LRRC23: variants seen among roughly 807,000 people sequenced by gnomAD.
LRRC23 encodes leucine rich repeat containing 23, also known as leucine-rich repeat-containing protein 23.
Under a neutral mutation model 37.7 loss-of-function variants are expected in LRRC23, and 28 were observed. The ratio of observed to expected loss-of-function variants is 0.74; its 90% confidence interval spans 0.55 to 1.02. The LOEUF (loss-of-function observed/expected upper bound fraction) is 1.02. Ranked by LOEUF, LRRC23 falls within the 50% of genes least tolerant of loss-of-function variation. The pLI is 0.00. For synonymous variants in LRRC23, 161 were observed against 165.4 expected, an observed-to-expected ratio of 0.97 and a Z score of 0.20; for missense variants, 377 against 413.2, an observed-to-expected ratio of 0.91 and a Z score of 0.76.
intron 6 of LRRC23, among the ~76,000 whole-genome samples, chr12:6,911,793 G>A (rs1945167656): frequency 6.6e-6 from 1 of 152,182 alleles, no homozygotes; most frequent in Non-Finnish European, 1.5e-5. Context: ...AGGACTGCTT[G>A]AGGCCAGGCG....
intron 5 of LRRC23, among the ~76,000 whole-genome samples, chr12:6,909,564 C>T (rs756557990): frequency 1.4e-5 from 2 of 139,984 alleles, no homozygotes; most frequent in East Asian, 2.0e-4. Context: ...TCTTAAGCTT[C>T]GTTATTCTGG....
intron 1 of LRRC23, 163 bp downstream of exon 1, chr12:6,905,238 G>C (rs1254579183): frequency 5.0e-6 from 1 of 201,358 alleles, no homozygotes; most frequent in Non-Finnish European, 1.0e-5. Context: ...TGAGAGGAGA[G>C]GAGGAGGAAT....
Position 6,907,460 on chromosome 12 carries a change from C to G in LRRC23, c.621+15C>G. 6.2e-7 allele frequency: 1 copy of G among 1,613,910 alleles called. No homozygotes were observed. The highest frequency in any genetic ancestry group is 8.5e-7 in the Non-Finnish European group (1 of 1,179,940). On this transcript the variant is annotated intron_variant, in intron 5 of 7. Coordinates refer to ENST00000443597, the MANE Select transcript of LRRC23 (RefSeq NM_001135217.2). ...ACCTCTACCTGGTAGCTCACTGGGT[C>G]AGAGGGTGGTGCAGGGAAGAGGGCA...
At position 6,905,954 on chromosome 12, in the gene LRRC23, G is replaced by A; in HGVS notation, c.236G>A (p.Arg79Lys). Residue 79 changes from arginine (R) to lysine (K), a missense_variant and splice_region_variant, in exon 3 of 8, where the codon AGG becomes AAG. Arg to Lys is a conservative substitution (Grantham distance 26, BLOSUM62 2). This residue lies in a region of LRRC23 where 106 missense variants were observed against 105.9 expected (regional missense o/e 1.00). Transcript: ENST00000443597. ...HAYVKLEVKE[R>K]DLTDIYLLRS... ...TATGTCAAGCTGGAGGTTAAAGAGAGGTGCGTTTTGGGGGGACCAGATGAG... is the reference window on the plus strand; with the variant it reads ...TATGTCAAGCTGGAGGTTAAAGAGAAGTGCGTTTTGGGGGGACCAGATGAG... 1.2e-6 allele frequency: 2 copies of A among 1,613,442 alleles called. No individual in the cohort carries two copies. The highest frequency in any genetic ancestry group is 1.7e-6 in the Non-Finnish European group (2 of 1,179,632).
intron 2 of LRRC23, 38 bp downstream of exon 2, chr12:6,905,797 G>T (rs781784897): frequency 5.0e-6 from 8 of 1,610,570 alleles, no homozygotes; most frequent in African/African-American, 4.0e-5. Context: ...AGGGCTGAAG[G>T]AGGGGGTTGG....
intron 4 of LRRC23, chr12:6,906,868 T>C (rs1260541324): frequency 6.8e-6 from 4 of 591,362 alleles, no homozygotes; most frequent in Non-Finnish European, 1.2e-5. Context: ...TCATATAGCT[T>C]ATATTCTAAT....
chr12:6,911,210 G>A (rs1555140702), intron 6 of LRRC23, among the ~76,000 whole-genome samples: 1 of 152,144 alleles, frequency 6.6e-6, no homozygotes, highest in Non-Finnish European at 1.5e-5. Context: ...TCGGATGGAG[G>A]ACTTTATGTG....
intron 6 of LRRC23, among the ~76,000 whole-genome samples, chr12:6,910,923 G>C (rs1945143564): frequency 6.6e-6 from 1 of 151,910 alleles, no homozygotes; most frequent in African/African-American, 2.4e-5. Flanking sequence ...CTAAAAGAAA[G>C]AAAGGAATCA....
Position 6,905,747 on chromosome 12 carries a change from G to A in LRRC23, c.114G>A (p.Glu38=), listed in dbSNP as rs1555139382. 1 of 1,613,432 alleles carries A rather than the reference G, an allele frequency of 6.2e-7. No individual in the cohort carries two copies. The highest frequency in any genetic ancestry group is 8.5e-7 in the Non-Finnish European group (1 of 1,179,726). The change falls in exon 2 of 8, where the codon GAG becomes GAA. Residue 38 remains glutamate, a synonymous_variant. Transcript: ENST00000443597. ...AGGACTACAGAAAAGAGGGGGAAGAGTTCCCTGAGGAAGTGAGAGCCTGGA... is the reference window on the plus strand; with the variant it reads ...AGGACTACAGAAAAGAGGGGGAAGAATTCCCTGAGGAAGTGAGAGCCTGGA... The part of the protein sequence containing the change: ...EGEDYRKEGE[E]FPEEWLPTPL...
intron 3 of LRRC23, 81 bp from the exon 4 acceptor site, chr12:6,906,328 C>A: frequency 7.3e-7 from 1 of 1,368,300 alleles, no homozygotes; most frequent in Non-Finnish European, 1.0e-6. Context: ...CTCCATATTG[C>A]CTTCTGCTTT....
intron 6 of LRRC23, among the ~76,000 whole-genome samples, chr12:6,911,279 T>C (rs1819430314): frequency 6.6e-6 from 1 of 152,198 alleles, no homozygotes; most frequent in African/African-American, 2.4e-5. Context: ...CAAGACCAGA[T>C]TCTTGAGCTG....
chr12:6,907,478 A>G, intron 5 of LRRC23, 33 bp downstream of exon 5: 1 of 1,613,302 alleles, frequency 6.2e-7, no homozygotes, highest in Non-Finnish European at 8.5e-7. Flanking sequence ...GGTGCAGGGA[A>G]GAGGGCACTG....
intron 4 of LRRC23, among the ~76,000 whole-genome samples, chr12:6,906,942 A>G (rs1944964020): frequency 6.6e-6 from 1 of 152,192 alleles, no homozygotes; most frequent in South Asian, 2.1e-4. Flanking sequence ...TTAAAAGGAG[A>G]CAAGTGCCTT....
chr12:6,910,931 T>TTAGC (rs1945144165), intron 6 of LRRC23, among the ~76,000 whole-genome samples: 1 of 151,744 alleles, frequency 6.6e-6, no homozygotes, highest in African/African-American at 2.4e-5. Context: ...AAGAAAGGAA[T>TTAGC]CAGAGGTGAT....
At chr12:6,906,027 G>T in intron 3 of LRRC23, 73 bp downstream of exon 3, 1 of 1,316,096 alleles carries the variant, frequency 7.6e-7, no homozygotes. Flanking sequence ...TGTCATTCCT[G>T]GGTGTTCTGG....
chr12:6,908,907 C>T (rs1246352559), intron 5 of LRRC23, among the ~76,000 whole-genome samples: 10 of 141,452 alleles, frequency 7.1e-5, no homozygotes, highest in African/African-American at 1.1e-4. Flanking sequence ...GGTGAAAAGA[C>T]GGCTGGAGAA....
chr12:6,911,957 C>T (rs1173010079), intron 6 of LRRC23, among the ~76,000 whole-genome samples: 1 of 152,170 alleles, frequency 6.6e-6, no homozygotes, highest in Non-Finnish European at 1.5e-5. Flanking sequence ...GAGCTATGAT[C>T]ATGCCACTGC....
rs1555139658 is a variant in LRRC23 at position 6,906,619 on chromosome 12, T to C, written c.447T>C (p.Thr149=). The C allele has an allele frequency of 1.2e-6, 2 of 1,614,186 alleles. No individual in the cohort carries two copies. Among genetic ancestry groups the C allele is most frequent in the East Asian group, 2.2e-5 (1 of 44,888 alleles). ...ASFAYNQITD[T]EGISHPRLET... is the part of the protein sequence containing the mutation. ...TTGCTTATAACCAGATTACTGACAC[T>C]GAAGGCATCTCTCATCCTCGTCTTG... The change falls in exon 4 of 8, where the codon ACT becomes ACC. Residue 149 remains threonine, a synonymous_variant. Coordinates refer to ENST00000443597, the MANE Select transcript of LRRC23 (RefSeq NM_001135217.2).
intron 5 of LRRC23, among the ~76,000 whole-genome samples, chr12:6,908,823 C>CAAAA (rs34675493): frequency 8.4e-6 from 1 of 119,094 alleles, no homozygotes; most frequent in African/African-American, 3.1e-5. Context: ...GACTCTGTTT[C>CAAAA]AAAAAAAAAA....
Sources: gnomAD v4.1 joint callset for allele counts (sites outside exome capture counted in the v4.1 genomes callset) on GRCh38, gnomAD v4.1.1 for gene constraint, gnomAD v4.1.1 regional missense constraint, MANE v1.5 for transcripts, NCBI Gene and HGNC (gene_info 2026-07-23, HGNC 2026-07-21) for gene names.